NCOA1: variants seen among roughly 807,000 people sequenced by gnomAD.
NCOA1 encodes the protein Hin-2 protein.
A neutral mutation model predicts 150.9 loss-of-function variants in NCOA1; 35 were observed. That is an observed-to-expected ratio of 0.23 (90% confidence interval 0.18 to 0.31). The LOEUF (loss-of-function observed/expected upper bound fraction) is 0.31, where lower values mean the gene tolerates loss of function less well. NCOA1 is among the 10% of genes least tolerant of loss of function. The probability of loss-of-function intolerance (pLI) is 1.00; values close to 1 mark genes in which losing one functional copy is unlikely to be tolerated. For synonymous variants in NCOA1, 590 were observed against 630.0 expected (o/e 0.94, Z 0.95); for missense variants, 1,491 against 1,749.3 (o/e 0.85, Z 2.63).
At chr2:24,586,609 T>TA (rs1202152330) in intron 3 of NCOA1, among the ~76,000 whole-genome samples, 1 of 152,056 alleles carries the variant, frequency 6.6e-6, no homozygotes, top group African/African-American at 2.4e-5. Flanking sequence ...TATGCCCAGC[T>TA]AATTTTTGTT....
intron 3 of NCOA1, among the ~76,000 whole-genome samples, chr2:24,629,034 G>A (rs574723867): frequency 3.3e-5 from 5 of 152,202 alleles, no homozygotes; most frequent in East Asian, 1.9e-4. Flanking sequence ...AAAATTTAAA[G>A]GGTGGTGATA....
At chr2:24,576,800 CT>C (rs1225735812) in intron 2 of NCOA1, among the ~76,000 whole-genome samples, 2 of 152,144 alleles carry the variant, frequency 1.3e-5, no homozygotes, top group African/African-American at 4.8e-5. Flanking sequence ...GGTCCAAACT[CT>C]TTGATGATGA....
At chr2:24,648,979 T>A (rs1670597020) in intron 4 of NCOA1, among the ~76,000 whole-genome samples, 1 of 152,162 alleles carries the variant, frequency 6.6e-6, no homozygotes, top group Non-Finnish European at 1.5e-5. Context: ...ATGCAGATCT[T>A]CATTTTCTTT....
chr2:24,762,579 GCTGTGC>G, intron 21 of NCOA1, 102 bp from the exon 22 acceptor site: 1 of 902,984 alleles, frequency 1.1e-6, no homozygotes. Flanking sequence ...TTTCATTTTT[GCTGTGC>G]TCCTATTACT....
At chr2:24,650,864 G>A (rs973519166) in intron 4 of NCOA1, among the ~76,000 whole-genome samples, 8 of 152,062 alleles carry the variant, frequency 5.3e-5, no homozygotes, top group Non-Finnish European at 1.2e-4. Context: ...GATTTTTATG[G>A]ATTTTAGAAT....
chr2:24,555,538 T>G (rs1215137156), intron 1 of NCOA1, among the ~76,000 whole-genome samples: 1 of 152,228 alleles, frequency 6.6e-6, no homozygotes, highest in African/African-American at 2.4e-5. Context: ...TTCTATTGAT[T>G]AATAACAGGA....
intron 1 of NCOA1, among the ~76,000 whole-genome samples, chr2:24,563,846 A>T (rs1666389927): frequency 1.3e-5 from 2 of 152,202 alleles, no homozygotes. Flanking sequence ...GTAATATCCC[A>T]CTTCCAGTGG....
chr2:24,688,805 C>G (rs1039206062), intron 8 of NCOA1, among the ~76,000 whole-genome samples: 2 of 152,180 alleles, frequency 1.3e-5, no homozygotes, highest in African/African-American at 4.8e-5. Flanking sequence ...GCATCTTCAT[C>G]ATGAAATCTT....
chr2:24,539,033 G>A (rs908029293), intron 1 of NCOA1, among the ~76,000 whole-genome samples: 6 of 152,286 alleles, frequency 3.9e-5, no homozygotes, highest in Non-Finnish European at 7.4e-5. Context: ...TGTTCTTAAC[G>A]TGTAAAAGTT....
chr2:24,553,194 T>C (rs1665937093), intron 1 of NCOA1, among the ~76,000 whole-genome samples: 1 of 152,112 alleles, frequency 6.6e-6, no homozygotes, highest in Non-Finnish European at 1.5e-5. Context: ...TTTTGAATCA[T>C]GAATGATGTG....
At chr2:24,692,885 G>T (rs1229385502) in intron 9 of NCOA1, among the ~76,000 whole-genome samples, 1 of 152,186 alleles carries the variant, frequency 6.6e-6, no homozygotes, top group Non-Finnish European at 1.5e-5. Context: ...TTTTGAGACG[G>T]AGTCTCGCTC....
intron 20 of NCOA1, among the ~76,000 whole-genome samples, chr2:24,754,071 C>T (rs1664381712): frequency 6.6e-6 from 1 of 152,204 alleles, no homozygotes; most frequent in East Asian, 1.9e-4. Context: ...ACATCCAACA[C>T]ATCAGCAAAT....
At chr2:24,719,278 C>G (rs868213051) in intron 14 of NCOA1, among the ~76,000 whole-genome samples, 3 of 151,950 alleles carry the variant, frequency 2.0e-5, no homozygotes, top group Non-Finnish European at 1.5e-5. Flanking sequence ...TCATTGTTTG[C>G]CTGAGTTAGG....
chr2:24,615,010 C>G (rs1668811756), intron 3 of NCOA1, among the ~76,000 whole-genome samples: 1 of 152,100 alleles, frequency 6.6e-6, no homozygotes, highest in South Asian at 2.1e-4. Flanking sequence ...TTGAATTATT[C>G]AAGTTTATAT....
At chr2:24,674,102 T>A (rs1188354161) in intron 7 of NCOA1, among the ~76,000 whole-genome samples, 2 of 149,428 alleles carry the variant, frequency 1.3e-5, no homozygotes, top group Non-Finnish European at 3.0e-5. Flanking sequence ...CCTACATGAA[T>A]GTTTAAAGAC....
Position 24,567,515 on chromosome 2 carries a change from G to C in NCOA1, c.-260+3085G>C, listed in dbSNP as rs1666564156. ...ATTCAGAATGGTTACTCTTGGGCTA[G>C]GAAGACTAGATACACCCATCTGAAG... On this transcript the variant is annotated intron_variant, in intron 2 of 22. Transcript: ENST00000348332. 2.6e-5 allele frequency among the ~76,000 whole-genome samples: 4 copies of C among 152,132 alleles called. No homozygotes were observed. The South Asian group carries it at 8.3e-4, about 32-fold the overall frequency.
chr2:24,672,109 TTGTTTATATATA>T (rs1012317473), intron 6 of NCOA1, among the ~76,000 whole-genome samples: 4 of 145,234 alleles, frequency 2.8e-5, no homozygotes, highest in African/African-American at 5.0e-5. Flanking sequence ...AACAATAACA[TTGTTTATATATA>T]TGTTTATATA....
intron 21 of NCOA1, among the ~76,000 whole-genome samples, chr2:24,760,306 A>ATTTTTTT (rs70947842): frequency 8.7e-3 from 858 of 98,864 alleles, no homozygotes; most frequent in Non-Finnish European, 0.012. Flanking sequence ...TGCCCGGCTA[A>ATTTTTTT]TTTTTTTTTT....
intron 14 of NCOA1, among the ~76,000 whole-genome samples, chr2:24,721,331 T>C (rs562482225): frequency 6.6e-6 from 1 of 152,368 alleles, no homozygotes; most frequent in Non-Finnish European, 1.5e-5. Flanking sequence ...AACATTACTT[T>C]CTTCATTAAA....
Sources: gnomAD v4.1 joint callset for allele counts (sites outside exome capture counted in the v4.1 genomes callset) on GRCh38, gnomAD v4.1.1 for gene constraint, MANE v1.5 for transcripts, NCBI Gene and HGNC (gene_info 2026-07-23, HGNC 2026-07-21) for gene names.